Variants in SH3RF3 observed in about 807,000 individuals in gnomAD.
The protein encoded by SH3RF3 is E3 ubiquitin-protein ligase SH3RF3.
In SH3RF3, 29 loss-of-function variants were observed where a neutral mutation model predicts 66.3. The ratio of observed to expected loss-of-function variants is 0.44; its 90% CI spans 0.33 to 0.60. The LOEUF (loss-of-function observed/expected upper bound fraction) is 0.60, where lower values mean the gene tolerates loss of function less well. SH3RF3 is among the 20% of genes least tolerant of loss of function. The pLI, the probability that SH3RF3 is intolerant of heterozygous loss-of-function variation, is 0.04. For missense variants in SH3RF3, 1,194 were observed against 1,190.9 expected, an observed-to-expected ratio of 1.00 and a Z score of -0.04; for synonymous variants, 583 against 532.0, an observed-to-expected ratio of 1.10 and a Z score of -1.32.
At chr2:109,449,871 G>A (rs986604454) in intron 8 of SH3RF3, among the ~76,000 whole-genome samples, 3 of 152,266 alleles carry the variant, frequency 2.0e-5, no homozygotes, top group East Asian at 1.9e-4. Context: ...ACAAATCTAC[G>A]TGTGCAGTGT....
chr2:109,343,731 C>T (rs12470696), intron 1 of SH3RF3, among the ~76,000 whole-genome samples: 27,328 of 150,354 alleles, frequency 0.18, 2,630 homozygotes, highest in African/African-American at 0.24. Context: ...TGCCCTGCTC[C>T]TGCCCTGGTT....
chr2:109,396,747 C>G (rs1676158989), intron 3 of SH3RF3, among the ~76,000 whole-genome samples: 1 of 152,160 alleles, frequency 6.6e-6, no homozygotes, highest in East Asian at 1.9e-4. Flanking sequence ...CTGCGGGCCT[C>G]ACATGCAAGG....
At chr2:109,374,873 A>G (rs1167499724) in intron 3 of SH3RF3, among the ~76,000 whole-genome samples, 1 of 152,122 alleles carries the variant, frequency 6.6e-6, no homozygotes, top group Non-Finnish European at 1.5e-5. Flanking sequence ...TCAGGCCATG[A>G]TGCTAAGCCC....
At chr2:109,279,927 C>T (rs909602088) in intron 1 of SH3RF3, among the ~76,000 whole-genome samples, 1 of 149,854 alleles carries the variant, frequency 6.7e-6, no homozygotes, top group African/African-American at 2.5e-5. Context: ...AATTGGGGGG[C>T]GGTAAGAGGT....
intron 8 of SH3RF3, among the ~76,000 whole-genome samples, chr2:109,450,304 C>T (rs1283471827): frequency 6.6e-6 from 1 of 151,908 alleles, no homozygotes; most frequent in Middle Eastern, 3.2e-3. Context: ...CAAGATTGTG[C>T]CACTGCACTC....
intron 7 of SH3RF3, among the ~76,000 whole-genome samples, chr2:109,445,868 C>T (rs2104619459): frequency 6.6e-6 from 1 of 152,168 alleles, no homozygotes; most frequent in Non-Finnish European, 1.5e-5. Flanking sequence ...TTTATTCATT[C>T]CCCTATCATT....
chr2:109,429,665 C>T (rs781077528), intron 5 of SH3RF3, among the ~76,000 whole-genome samples: 4 of 152,190 alleles, frequency 2.6e-5, no homozygotes, highest in Non-Finnish European at 5.9e-5. Context: ...GCCGCGCTGA[C>T]AGCTCCAGCA....
At chr2:109,358,060 C>T (rs1251364746) in intron 2 of SH3RF3, among the ~76,000 whole-genome samples, 1 of 152,200 alleles carries the variant, frequency 6.6e-6, no homozygotes, top group Non-Finnish European at 1.5e-5. Flanking sequence ...TCCCTCCCTC[C>T]TCCACCACCC....
chr2:109,364,069 T>TTTCC (rs1342966612), intron 2 of SH3RF3, among the ~76,000 whole-genome samples: 1 of 152,140 alleles, frequency 6.6e-6, no homozygotes, highest in Non-Finnish European at 1.5e-5. Context: ...TCTATCTTTC[T>TTTCC]TCTCCTTCTA....
intron 1 of SH3RF3, among the ~76,000 whole-genome samples, chr2:109,221,896 AC>A (rs1242876991): frequency 3.9e-5 from 6 of 152,266 alleles, no homozygotes; most frequent in East Asian, 1.9e-4. Context: ...TCAAAGGGAT[AC>A]CTGCACCCCT....
At chr2:109,224,863 AT>A (rs1002117737) in intron 1 of SH3RF3, among the ~76,000 whole-genome samples, 2 of 151,984 alleles carry the variant, frequency 1.3e-5, no homozygotes, top group African/African-American at 2.4e-5. Flanking sequence ...TCTCAAAAAA[AT>A]TTTTTTTCAT....
chr2:109,129,765 C>A lies in SH3RF3; in HGVS notation c.225C>A (p.His75Gln). 1 of 1,539,536 alleles carries A rather than the reference C, an allele frequency of 6.5e-7. No homozygotes were observed. Among genetic ancestry groups the A allele is most frequent in the Non-Finnish European group, 8.7e-7 (1 of 1,145,276 alleles). Residue 75 changes from histidine (H) to glutamine (Q), a missense_variant, in exon 1 of 10, where the codon CAC becomes CAA. Physicochemically the swap from His to Gln is conservative, Grantham distance 24 (BLOSUM62 0). Coordinates refer to ENST00000309415, the MANE Select transcript of SH3RF3 (RefSeq NM_001099289.3). ...DTTAKVLPCQ[H>Q]TFCRRCLESI... ...CGGCCAAGGTGCTGCCATGCCAACA[C>A]ACTTTCTGCCGCCGCTGCCTGGAGA...
At chr2:109,278,353 A>C (rs1199785257) in intron 1 of SH3RF3, among the ~76,000 whole-genome samples, 1 of 152,172 alleles carries the variant, frequency 6.6e-6, no homozygotes, top group Non-Finnish European at 1.5e-5. Context: ...GCCCAGGGGC[A>C]TCCCAGTGGG....
intron 4 of SH3RF3, 92 bp from the exon 5 acceptor site, chr2:109,419,447 G>T: frequency 7.6e-7 from 1 of 1,319,530 alleles, no homozygotes; most frequent in Non-Finnish European, 1.0e-6. Flanking sequence ...GCGAAGCACA[G>T]GCACCTGTGG....
chr2:109,255,573 C>T (rs1680204442), intron 1 of SH3RF3, among the ~76,000 whole-genome samples: 1 of 152,210 alleles, frequency 6.6e-6, no homozygotes, highest in Non-Finnish European at 1.5e-5. Flanking sequence ...AGGTTGCTAT[C>T]ACCTCTATAA....
chr2:109,146,895 C>A lies in SH3RF3; in HGVS notation c.573+16782C>A, dbSNP rs879267499. On this transcript the variant is annotated intron_variant, in intron 1 of 9. Transcript: ENST00000309415. ...CTCTTCTTTTTTCCCTCCCCCCCCCCCCCCCCGCCCCAATATCCTATGAAG... is the reference window on the plus strand; with the variant it reads ...CTCTTCTTTTTTCCCTCCCCCCCCCACCCCCCGCCCCAATATCCTATGAAG... Among the ~76,000 whole-genome samples, 405 of 100,748 alleles carry A rather than the reference C, an allele frequency of 4.0e-3. 23 individuals are homozygous for A. The highest frequency in any genetic ancestry group is 0.018 in the Middle Eastern group (4 of 222). The allele number at this position is 100,748 out of a possible 152,430, so 66.1% of individuals were successfully genotyped here. A position where few individuals can be genotyped will look rare whatever the true frequency, so the allele number is the denominator to read the frequency against.
chr2:109,474,555 G>T (rs974356799), intron 8 of SH3RF3, among the ~76,000 whole-genome samples: 1 of 152,164 alleles, frequency 6.6e-6, no homozygotes. Flanking sequence ...CGAACCGCAC[G>T]GGGCTTATAG....
Position 109,484,067 on chromosome 2 carries a change from CTTTT to C in SH3RF3, c.2149-6523_2149-6520del, listed in dbSNP as rs562496561. ...CAAGGTGTGCCATCCTCTGGCCTTT[CTTTT>C]TTTTTTTTTTTTTTGAGACCGAGTC... On this transcript the variant is annotated intron_variant, in intron 8 of 9. Transcript: ENST00000309415. 4.3e-3 allele frequency among the ~76,000 whole-genome samples: 409 copies of C among 94,318 alleles called. 2 individuals carry two copies. Among genetic ancestry groups the C allele is most frequent in the Middle Eastern group, 0.01 (2 of 196 alleles). 61.9% of individuals were successfully genotyped at this position (94,318 alleles called of 152,430 possible). A position where few individuals can be genotyped will look rare whatever the true frequency, so the allele number is the denominator to read the frequency against.
chr2:109,380,805 C>T (rs944039783), intron 3 of SH3RF3, among the ~76,000 whole-genome samples: 1 of 152,214 alleles, frequency 6.6e-6, no homozygotes, highest in African/African-American at 2.4e-5. Context: ...CCTGCATAGG[C>T]AGACATCAAA....
Sources: allele counts gnomAD v4.1 joint callset (sites outside exome capture counted in the v4.1 genomes callset), GRCh38; gene constraint gnomAD v4.1.1; transcripts MANE v1.5; gene names NCBI Gene and HGNC (gene_info 2026-07-23, HGNC 2026-07-21).